KRT77: variants seen among roughly 807,000 people sequenced by gnomAD.
KRT77 encodes the protein keratin 77.
In KRT77, 44 loss-of-function variants were observed where a neutral mutation model predicts 51.5. The observed-to-expected ratio is 0.85, with a 90% CI of 0.67 to 1.10. The LOEUF is 1.10. KRT77 is among the 50% of genes least tolerant of loss of function. KRT77 has a pLI of 0.00. For missense variants in KRT77, 763 were observed against 743.9 expected (o/e 1.03, Z -0.30); for synonymous variants, 293 against 302.0 (o/e 0.97, Z 0.31).
intron 1 of KRT77, chr12:52,698,300 G>A (rs1417896897): frequency 6.0e-6 from 3 of 497,226 alleles, no homozygotes; most frequent in Admixed American, 2.4e-5. Context: ...AGGAGAGGAA[G>A]AAAGAAAAAG....
intron 7 of KRT77, 108 bp from the exon 8 acceptor site, chr12:52,692,080 G>A: frequency 8.3e-7 from 1 of 1,203,184 alleles, no homozygotes; most frequent in Non-Finnish European, 1.2e-6. Flanking sequence ...AGGGAAATGT[G>A]TGTGCATGAG....
intron 1 of KRT77, 27 bp from the exon 2 acceptor site, chr12:52,697,923 C>A: frequency 6.2e-7 from 1 of 1,604,298 alleles, no homozygotes; most frequent in South Asian, 1.1e-5. Flanking sequence ...CCAGTCCACC[C>A]CAGGCCATGG....
At position 52,690,279 on chromosome 12, in the gene KRT77, T is replaced by A. The variant is rs1327377258; in HGVS notation, c.*886A>T. 1.3e-5 allele frequency: 2 copies of A among 152,264 alleles called. No individual in the cohort carries two copies. The highest frequency in any genetic ancestry group is 2.9e-5 in the Non-Finnish European group (2 of 68,062). 9.4% of individuals were successfully genotyped at this position (152,264 alleles called of 1,614,324 possible). On this transcript the variant is annotated 3_prime_UTR_variant, in exon 9 of 9. Transcript: ENST00000341809. ...CCTGCATCCACTGCTAAAACAGGCT[T>A]CCTTTGGGTAAGGATTCATGACCCT...
intron 1 of KRT77, 172 bp from the exon 2 acceptor site, chr12:52,698,068 G>A (rs190465341): frequency 6.8e-7 from 1 of 1,477,316 alleles, no homozygotes; most frequent in African/African-American, 1.4e-5. Flanking sequence ...GGGCAATGTG[G>A]TTTCTGACTG....
rs1413729572 is a variant in KRT77, at chr12:52,694,769, G to A, written c.937C>T (p.His313Tyr). The change falls in exon 5 of 9, where the codon CAC becomes TAC. Residue 313 changes from histidine to tyrosine, a missense_variant. His to Tyr is a moderately conservative substitution (Grantham distance 83). Transcript: ENST00000341809. ...FLTELSQVQT[H>Y]ISDTNVILSM... Reference sequence around the variant, plus strand: ...AGGATGACGTTGGTGTCGCTGATGTGAGTCTGCACCTGAGACAGCTCCTGC... The same window carrying A: ...AGGATGACGTTGGTGTCGCTGATGTAAGTCTGCACCTGAGACAGCTCCTGC... 1.2e-6 allele frequency: 2 copies of A among 1,609,322 alleles called. No homozygotes were observed. The highest frequency in any genetic ancestry group is 2.2e-5 in the East Asian group (1 of 44,696).
chr12:52,695,490 C>G, intron 4 of KRT77: 1 of 351,114 alleles, frequency 2.8e-6, no homozygotes, highest in Non-Finnish European at 5.3e-6. Context: ...CCTTATATGT[C>G]TGGGTGATTT....
chr12:52,703,151 C>G lies in KRT77; in HGVS notation c.284G>C (p.Arg95Thr), dbSNP rs370354997. ...CCCGGTGCTGCCAACCCCAAAGCCT[C>G]TGCCCCCTCCAAATCCCCCTACTCC... ...GGGVGGFGGG[R>T]GFGVGSTGAG... The change falls in exon 1 of 9, where the codon AGA becomes ACA. Residue 95 changes from arginine to threonine, a missense_variant. Coordinates refer to ENST00000341809, the MANE Select transcript of KRT77 (RefSeq NM_175078.3). 2 of 1,610,318 alleles carry G rather than the reference C, an allele frequency of 1.2e-6. No individual in the cohort carries two copies. Among genetic ancestry groups the G allele is most frequent in the Middle Eastern group, 1.7e-4 (1 of 6,042 alleles).
At chr12:52,696,283 C>T (rs1210473201) in intron 3 of KRT77, 87 bp downstream of exon 3, 5 of 1,303,450 alleles carry the variant, frequency 3.8e-6, no homozygotes, top group Non-Finnish European at 5.6e-6. Flanking sequence ...GCCACCCTGC[C>T]GTTGTCACAG....
rs1207172621 is a variant in KRT77, at chr12:52,691,029, G to C, written c.*136C>G. 4 of 1,242,868 alleles carry C rather than the reference G, an allele frequency of 3.2e-6. No individual in the cohort carries two copies. In the African/African-American group the frequency reaches 4.4e-5, roughly 14 times the overall value. The allele number at this position is 1,242,868 out of a possible 1,614,324, so 77.0% of individuals were successfully genotyped here. On this transcript the variant is annotated 3_prime_UTR_variant, in exon 9 of 9. Transcript: ENST00000341809. ...CTTATCCACCCTGCTTCCCCCATTAGAGTCGAATTTATTGGCAAAATTGCT... is the reference window on the plus strand; with the variant it reads ...CTTATCCACCCTGCTTCCCCCATTACAGTCGAATTTATTGGCAAAATTGCT...
In KRT77 at chr12:52,694,690, C is replaced by T. The variant is rs77359838; in HGVS notation, c.1016G>A (p.Arg339Gln). Residue 339 changes from arginine to glutamine, a missense_variant, in exon 5 of 9, where the codon CGG becomes CAG. Coordinates refer to ENST00000341809, the MANE Select transcript of KRT77 (RefSeq NM_175078.3). The stretch of plus-strand genomic sequence containing the variant: ...CTGTGCAATCAGTTCATACTGGGTC[C>T]GCACTGCATCGATGATGCTGTCCAG... ...LDLDSIIDAVRTQYELIAQRS... is the reference protein window; with the variant it reads ...LDLDSIIDAVQTQYELIAQRS... The T allele has an allele frequency of 1.5e-3, 2,387 of 1,613,862 alleles. 31 individuals carry two copies. The African/African-American group carries it at 0.028, about 19-fold the overall frequency.
chr12:52,694,798 G>T lies in KRT77; in HGVS notation c.916-8C>A. The T allele has an allele frequency of 1.3e-6, 2 of 1,593,882 alleles. No homozygotes were observed. Among genetic ancestry groups the T allele is most frequent in the Non-Finnish European group, 1.7e-6 (2 of 1,165,114 alleles). ...CTGCACCTGAGACAGCTCCTGCGAG[G>T]CATGGCGCACAGGCTGACTCCTTCC... On this transcript the variant is annotated splice_region_variant and splice_polypyrimidine_tract_variant and intron_variant, in intron 4 of 8. Transcript: ENST00000341809.
chr12:52,692,612 A>G lies in KRT77; in HGVS notation c.1236T>C (p.Asp412=), dbSNP rs778177726. ...QIEQMQSLIS[D]AEERGEQALQ... ...GGGCCTGCTCGCCTCTCTCCTCAGC[A>G]TCCGAAATGAGTGACTGCATCTGTT... Residue 412 remains aspartate (D), a synonymous_variant, in exon 7 of 9, where the codon GAT becomes GAC. Transcript: ENST00000341809. 4 of 1,540,394 alleles carry G rather than the reference A, an allele frequency of 2.6e-6. No individual in the cohort carries two copies. Among genetic ancestry groups the G allele is most frequent in the African/African-American group, 2.7e-5 (2 of 73,296 alleles).
Position 52,692,431 on chromosome 12 carries a change from C to T in KRT77, c.1417G>A (p.Glu473Lys). The T allele has an allele frequency of 1.2e-6, 2 of 1,613,936 alleles. No homozygotes were observed. The highest frequency in any genetic ancestry group is 1.7e-6 in the Non-Finnish European group (2 of 1,179,978). Residue 473 changes from glutamate (E) to lysine (K), a missense_variant, in exon 7 of 9, where the codon GAG becomes AAG. Physicochemically the swap from Glu to Lys is moderately conservative, Grantham distance 56 (BLOSUM62 1). Coordinates refer to ENST00000341809, the MANE Select transcript of KRT77 (RefSeq NM_175078.3). ...IATYRQLLEG[E>K]ESRMSGELQS... ...AGCTGCCAGACCCACCTGCTCTCCT[C>T]GCCCTCCAGCAGCTGGCGGTAGGTG... is the stretch of plus-strand genomic sequence containing the variant.
At chr12:52,697,576 G>GCCCCCC in intron 2 of KRT77, 106 bp downstream of exon 2, 2 of 237,332 alleles carry the variant, frequency 8.4e-6, no homozygotes, top group Admixed American at 3.9e-5. Flanking sequence ...GAGCCTGCAT[G>GCCCCCC]CCCCGCCCCC....
Position 52,700,302 on chromosome 12 carries a change from A to C in KRT77, c.544-2406T>G, listed in dbSNP as rs571827597. Among the ~76,000 whole-genome samples, 250 of 152,362 alleles carry C rather than the reference A, an allele frequency of 1.6e-3. 8 individuals are homozygous for C. The South Asian group carries it at 0.048, about 29-fold the overall frequency. On this transcript the variant is annotated intron_variant, in intron 1 of 8. Coordinates refer to ENST00000341809, the MANE Select transcript of KRT77 (RefSeq NM_175078.3). ...TTGCATTCTATTTAGAGAGATTACT[A>C]TAAAGAAATAATCATGTAAAAAATA...
At position 52,703,421 on chromosome 12, in the gene KRT77, A is replaced by C; in HGVS notation, c.14T>G (p.Phe5Cys). Residue 5 changes from phenylalanine to cysteine, a missense_variant, in exon 1 of 9, where the codon TTT becomes TGT. Coordinates refer to ENST00000341809, the MANE Select transcript of KRT77 (RefSeq NM_175078.3). Reference sequence around the variant, plus strand: ...TGAACTAAACGCGGACTGAGAACTAAATTGGTGGCTCATGTTTGCTGGAGC... The same window carrying C: ...TGAACTAAACGCGGACTGAGAACTACATTGGTGGCTCATGTTTGCTGGAGC... MSHQ[F>C]SSQSAFSSMS... 1 of 1,582,450 alleles carries C rather than the reference A, an allele frequency of 6.3e-7. No individual in the cohort carries two copies. The highest frequency in any genetic ancestry group is 8.6e-7 in the Non-Finnish European group (1 of 1,159,626).
chr12:52,692,439 A>G lies in KRT77; in HGVS notation c.1409T>C (p.Leu470Pro). The change falls in exon 7 of 9, where the codon CTG becomes CCG. Residue 470 changes from leucine (L) to proline (P), a missense_variant. By Grantham distance (98) the Leu-to-Pro change is moderately conservative. Coordinates refer to ENST00000341809, the MANE Select transcript of KRT77 (RefSeq NM_175078.3). ...DVEIATYRQL[L>P]EGEESRMSGE... is the part of the protein sequence containing the mutation. Reference sequence around the variant, plus strand: ...GACCCACCTGCTCTCCTCGCCCTCCAGCAGCTGGCGGTAGGTGGCGATCTC... The same window carrying G: ...GACCCACCTGCTCTCCTCGCCCTCCGGCAGCTGGCGGTAGGTGGCGATCTC... 1 of 1,613,966 alleles carries G rather than the reference A, an allele frequency of 6.2e-7. No individual in the cohort carries two copies. Among genetic ancestry groups the G allele is most frequent in the Non-Finnish European group, 8.5e-7 (1 of 1,179,966 alleles).
At chr12:52,695,531 A>G (rs996073283) in intron 4 of KRT77, among the ~76,000 whole-genome samples, 1 of 152,156 alleles carries the variant, frequency 6.6e-6, no homozygotes, top group Non-Finnish European at 1.5e-5. Context: ...TGAACCAGGG[A>G]CACATTCGCC....
chr12:52,694,615 G>T lies in KRT77; in HGVS notation c.1080+11C>A, dbSNP rs1941764050. The T allele has an allele frequency of 6.3e-7, 1 of 1,584,696 alleles. No homozygotes were observed. The highest frequency in any genetic ancestry group is 8.6e-7 in the Non-Finnish European group (1 of 1,161,786). ...GTTTTTCTGGGCACCAGATCTGGGG[G>T]CCACGCCCACCTTGGTCTGGTACAG... On this transcript the variant is annotated intron_variant, in intron 5 of 8. Coordinates refer to ENST00000341809, the MANE Select transcript of KRT77 (RefSeq NM_175078.3).
Sources: gnomAD v4.1 joint callset for allele counts (sites outside exome capture counted in the v4.1 genomes callset) on GRCh38, gnomAD v4.1.1 for gene constraint, MANE v1.5 for transcripts, NCBI Gene and HGNC (gene_info 2026-07-23, HGNC 2026-07-21) for gene names.